The following SRGAP1 variants were observed in gnomAD, a reference collection of about 807,000 sequenced individuals.
SRGAP1 encodes the protein SLIT-ROBO Rho GTPase-activating protein 1.
SRGAP1 carries 43 observed loss-of-function variants against 121.9 expected under a neutral mutation model. The ratio of observed to expected loss-of-function variants is 0.35; its 90% confidence interval spans 0.28 to 0.46. The LOEUF is 0.46. Among genes scored for constraint, SRGAP1 ranks in the 20% least tolerant of loss-of-function variants. The pLI, the probability that SRGAP1 is intolerant of heterozygous loss-of-function variation, is 1.00. For missense variants in SRGAP1, 1,102 were observed against 1,350.9 expected (o/e 0.82, Z 2.89); for synonymous variants, 447 against 485.4 (o/e 0.92, Z 1.04).
chr12:64,136,189 C>A (rs1243832517), intron 21 of SRGAP1, among the ~76,000 whole-genome samples: 1 of 152,150 alleles, frequency 6.6e-6, no homozygotes, highest in Non-Finnish European at 1.5e-5. Flanking sequence ...TCGCATCCTT[C>A]AATCAAGTTG....
intron 1 of SRGAP1, among the ~76,000 whole-genome samples, chr12:63,931,716 T>C (rs978869179): frequency 1.3e-5 from 2 of 152,228 alleles, no homozygotes; most frequent in Non-Finnish European, 2.9e-5. Context: ...ATAGAGATCA[T>C]ACTTTATTGG....
intron 15 of SRGAP1, among the ~76,000 whole-genome samples, chr12:64,103,698 C>T (rs186524177): frequency 2.0e-5 from 3 of 152,152 alleles, no homozygotes; most frequent in Admixed American, 6.6e-5. Flanking sequence ...GGCTGAGTAT[C>T]TGAACTGAGT....
At chr12:63,956,775 A>C (rs185513730) in intron 1 of SRGAP1, among the ~76,000 whole-genome samples, 48 of 114,936 alleles carry the variant, frequency 4.2e-4, no homozygotes, top group African/African-American at 1.6e-3. Context: ...CATACACTTT[A>C]CTATTTCCAG....
intron 2 of SRGAP1, among the ~76,000 whole-genome samples, chr12:63,989,670 A>T (rs887374385): frequency 1.2e-4 from 18 of 152,240 alleles, no homozygotes; most frequent in African/African-American, 3.4e-4. Context: ...TATGGATTTC[A>T]CCAGTGTTCA....
Position 64,016,946 on chromosome 12 carries a change from A to G in SRGAP1, c.427-4A>G. 1 of 1,480,416 alleles carries G rather than the reference A, an allele frequency of 6.8e-7. No homozygotes were observed. The highest frequency in any genetic ancestry group is 9.3e-7 in the Non-Finnish European group (1 of 1,075,678). 91.7% of individuals were successfully genotyped at this position (1,480,416 alleles called of 1,614,324 possible). A position where few individuals can be genotyped will look rare whatever the true frequency, so the allele number is the denominator to read the frequency against. ...AAATATTCTTTTTTATTTTCTAATTACAGAGCAAAGAGATTGCATTCCAAC... is the reference window on the plus strand; with the variant it reads ...AAATATTCTTTTTTATTTTCTAATTGCAGAGCAAAGAGATTGCATTCCAAC... On this transcript the variant is annotated splice_region_variant and splice_polypyrimidine_tract_variant and intron_variant, in intron 3 of 21. Transcript: ENST00000355086.
intron 15 of SRGAP1, among the ~76,000 whole-genome samples, chr12:64,104,615 A>T (rs2036310375): frequency 6.6e-6 from 1 of 152,220 alleles, no homozygotes; most frequent in African/African-American, 2.4e-5. Flanking sequence ...CTCCTGTAGG[A>T]TACACATTGC....
chr12:64,095,561 C>T (rs751229054), intron 14 of SRGAP1, among the ~76,000 whole-genome samples: 1 of 152,120 alleles, frequency 6.6e-6, no homozygotes, highest in Non-Finnish European at 1.5e-5. Context: ...CCAGCTCCTC[C>T]CTTTGTCGGG....
chr12:64,079,366 A>C (rs1466709126), intron 9 of SRGAP1, among the ~76,000 whole-genome samples: 2 of 151,868 alleles, frequency 1.3e-5, no homozygotes, highest in Non-Finnish European at 2.9e-5. Context: ...ACAGGGGCTC[A>C]CCCCTCTAAT....
Position 64,091,288 on chromosome 12 carries a change from TC to T in SRGAP1, c.1454del (p.Pro485LeufsTer96). On this transcript the variant is annotated frameshift_variant, in exon 12 of 22. Coordinates refer to ENST00000355086, the MANE Select transcript of SRGAP1 (RefSeq NM_020762.4). LOFTEE classifies it high-confidence loss of function. ...TCCCTTCCCTTAGGCCTCCAAATGT[TC>T]CCCCTAAGCCCCAGAAACACAGGAA... ...EYMTTRPPNV[P>X]PKPQKHRKSR... 1 of 1,593,110 alleles carries T rather than the reference TC, an allele frequency of 6.3e-7. No homozygotes were observed. The highest frequency in any genetic ancestry group is 8.6e-7 in the Non-Finnish European group (1 of 1,166,936).
Position 63,845,207 on chromosome 12 carries a change from G to T in SRGAP1, c.67+324G>T, listed in dbSNP as rs190587714. ...GAAGCAGGCAGCAGTGGAGGATCCT[G>T]TCCAGCTATTATTATCACCATCATT... On this transcript the variant is annotated intron_variant, in intron 1 of 21. Transcript: ENST00000355086. 3.2e-3 allele frequency among the ~76,000 whole-genome samples: 495 copies of T among 152,328 alleles called. 4 individuals carry two copies. Among genetic ancestry groups the T allele is most frequent in the Non-Finnish European group, 5.1e-3 (350 of 68,032 alleles).
chr12:64,070,458 AC>A (rs2035618462), intron 8 of SRGAP1, among the ~76,000 whole-genome samples: 1 of 152,206 alleles, frequency 6.6e-6, no homozygotes, highest in African/African-American at 2.4e-5. Flanking sequence ...TCAGCATGTC[AC>A]TGCTGTTCTA....
In SRGAP1 at chr12:64,043,307, A is replaced by G. The variant is rs199825614; in HGVS notation, c.673-140A>G. On this transcript the variant is annotated intron_variant, in intron 5 of 21. Transcript: ENST00000355086. ...GCTATTTAAATCAGATTCAAAATGT[A>G]CTTTTGGCAAAGGACTTTCAGGGTC... 44 of 814,374 alleles carry G rather than the reference A, an allele frequency of 5.4e-5. No individual in the cohort carries two copies. In the East Asian group the frequency reaches 1.0e-3, roughly 19 times the overall value. 50.4% of individuals were successfully genotyped at this position (814,374 alleles called of 1,614,324 possible).
At chr12:64,123,943 C>T (rs891187981) in intron 18 of SRGAP1, among the ~76,000 whole-genome samples, 1 of 152,048 alleles carries the variant, frequency 6.6e-6, no homozygotes, top group African/African-American at 2.4e-5. Flanking sequence ...CCACTAGAGA[C>T]CAGGCACCTA....
At chr12:64,085,580 T>C (rs1456844531) in intron 10 of SRGAP1, among the ~76,000 whole-genome samples, 1 of 152,302 alleles carries the variant, frequency 6.6e-6, no homozygotes, top group East Asian at 1.9e-4. Context: ...GCCAGCTTGC[T>C]GCCGAACACT....
At position 63,987,442 on chromosome 12, in the gene SRGAP1, G is replaced by A. The variant is rs115544060; in HGVS notation, c.264-2468G>A. On this transcript the variant is annotated intron_variant, in intron 2 of 21. Transcript: ENST00000355086. ...TTCACTGATAGAAAAGATACAAAGG[G>A]TCGGGTGCGGTGGCTCACACCTGTA... 5.1e-3 allele frequency among the ~76,000 whole-genome samples: 782 copies of A among 152,286 alleles called. 3 individuals carry two copies. The highest frequency in any genetic ancestry group is 0.018 in the African/African-American group (755 of 41,552).
At chr12:63,967,353 G>A (rs60052302) in intron 1 of SRGAP1, among the ~76,000 whole-genome samples, 8,428 of 152,246 alleles carry the variant, frequency 0.055, 327 homozygotes, top group Admixed American at 0.081. Context: ...GAAGAGGGAG[G>A]ATGGCTTGAG....
intron 1 of SRGAP1, among the ~76,000 whole-genome samples, chr12:63,846,142 TATA>T (rs1186787040): frequency 4.6e-5 from 7 of 152,058 alleles, no homozygotes; most frequent in Admixed American, 1.3e-4. Flanking sequence ...GGCTGACCCC[TATA>T]ATGTGTTCAG....
At chr12:64,084,396 A>C (rs1030392377) in intron 10 of SRGAP1, among the ~76,000 whole-genome samples, 8 of 152,198 alleles carry the variant, frequency 5.3e-5, no homozygotes, top group Non-Finnish European at 8.8e-5. Context: ...CTTTCCAAAG[A>C]AAATGATTGA....
intron 3 of SRGAP1, among the ~76,000 whole-genome samples, chr12:63,997,079 T>C (rs2033733393): frequency 6.6e-6 from 1 of 152,094 alleles, no homozygotes; most frequent in Admixed American, 6.6e-5. Flanking sequence ...GCTTTAACTT[T>C]AATATAACAA....
Sources: allele counts gnomAD v4.1 joint callset (sites outside exome capture counted in the v4.1 genomes callset), GRCh38; gene constraint gnomAD v4.1.1; transcripts MANE v1.5; gene names NCBI Gene and HGNC (gene_info 2026-07-23, HGNC 2026-07-21).